The following SLC44A3 variants were observed in gnomAD, a reference collection of about 807,000 sequenced individuals.
SLC44A3 encodes the protein solute carrier family 44 member 3, also known as choline transporter-like protein 3.
A neutral mutation model predicts 75.4 loss-of-function variants in SLC44A3; 74 were observed. The ratio of observed to expected loss-of-function variants is 0.98; its 90% CI spans 0.81 to 1.19. The LOEUF is 1.19. Among genes scored for constraint, SLC44A3 ranks in the 50% most tolerant of loss-of-function variants. SLC44A3 has a pLI of 0.00. For missense variants in SLC44A3, 700 were observed against 778.6 expected (o/e 0.90, Z 1.20); for synonymous variants, 310 against 296.9 (o/e 1.04, Z -0.45).
At position 94,826,799 on chromosome 1, in the gene SLC44A3, T is replaced by C. The variant is rs187736208; in HGVS notation, c.279-708T>C. Among the ~76,000 whole-genome samples the C allele has an allele frequency of 3.1e-3, 470 of 152,224 alleles. 3 individuals are homozygous for C. The highest frequency in any genetic ancestry group is 0.011 in the African/African-American group (439 of 41,546). ...ATCCCCAACAGGAGGGAAAAAAACC[T>C]TCTGGGACCCCTTCTCAAGGTCTCT... On this transcript the variant is annotated intron_variant, in intron 3 of 14. Transcript: ENST00000271227.
chr1:94,836,342 G>A (rs1354618070), intron 5 of SLC44A3, among the ~76,000 whole-genome samples: 1 of 152,134 alleles, frequency 6.6e-6, no homozygotes, highest in African/African-American at 2.4e-5. Context: ...TACATTTCAG[G>A]AAGAAGCTAA....
chr1:94,880,413 A>C (rs1175123402), intron 12 of SLC44A3, among the ~76,000 whole-genome samples: 1 of 152,220 alleles, frequency 6.6e-6, no homozygotes, highest in East Asian at 1.9e-4. Context: ...CCCCAAGGAC[A>C]TTATGCTGAA....
intron 13 of SLC44A3, 110 bp downstream of exon 13, chr1:94,891,377 C>A: frequency 8.8e-7 from 1 of 1,138,710 alleles, no homozygotes; most frequent in Non-Finnish European, 1.2e-6. Flanking sequence ...ATAGTGGGTG[C>A]TGTGCTTCAT....
chr1:94,857,276 A>G (rs1219618428), intron 9 of SLC44A3, 59 bp from the exon 10 acceptor site: 1 of 1,468,692 alleles, frequency 6.8e-7, no homozygotes, highest in Non-Finnish European at 9.1e-7. Flanking sequence ...GGCTTGTTGA[A>G]CCATGGTTCA....
rs368810297 is a variant in SLC44A3 at position 94,840,053 on chromosome 1, C to G, written c.760+16C>G. ...GGATTGTTGTGTAAGTATTTCTCTA[C>G]TTGACTGATTTCTTTTCGATTAAAT... is the stretch of plus-strand genomic sequence containing the variant. On this transcript the variant is annotated intron_variant, in intron 7 of 14. Transcript: ENST00000271227. The G allele has an allele frequency of 2.9e-4, 461 of 1,591,566 alleles. No homozygotes were observed. The Admixed American group carries it at 3.6e-3, about 12-fold the overall frequency.
intron 10 of SLC44A3, among the ~76,000 whole-genome samples, chr1:94,863,174 C>T (rs1160033469): frequency 6.6e-6 from 1 of 152,094 alleles, no homozygotes; most frequent in East Asian, 1.9e-4. Flanking sequence ...AGTTCCGTCT[C>T]CCATCACGTG....
chr1:94,837,094 A>T (rs1028452330), intron 5 of SLC44A3, among the ~76,000 whole-genome samples: 1 of 152,150 alleles, frequency 6.6e-6, no homozygotes, highest in Non-Finnish European at 1.5e-5. Context: ...CAAATCCCAT[A>T]CATGACCCCA....
At chr1:94,823,253 G>C (rs1660859945) in intron 2 of SLC44A3, among the ~76,000 whole-genome samples, 2 of 152,168 alleles carry the variant, frequency 1.3e-5, no homozygotes, top group Admixed American at 6.5e-5. Flanking sequence ...AACTCGAAAG[G>C]ACGAGACAAG....
chr1:94,829,012 A>C (rs1221026939), intron 5 of SLC44A3, among the ~76,000 whole-genome samples: 1 of 152,188 alleles, frequency 6.6e-6, no homozygotes. Flanking sequence ...AGACTGAGCC[A>C]GGCGGATCAC....
At chr1:94,883,228 C>T (rs996962414) in intron 12 of SLC44A3, among the ~76,000 whole-genome samples, 9 of 151,840 alleles carry the variant, frequency 5.9e-5, no homozygotes, top group East Asian at 3.9e-4. Context: ...AGGCCGGGTG[C>T]GGTGACTTAT....
At chr1:94,834,072 A>G (rs958388644) in intron 5 of SLC44A3, among the ~76,000 whole-genome samples, 1 of 152,252 alleles carries the variant, frequency 6.6e-6, no homozygotes, top group African/African-American at 2.4e-5. Context: ...CATTTTTTAA[A>G]AATTCCCTAA....
intron 12 of SLC44A3, among the ~76,000 whole-genome samples, chr1:94,885,329 G>A (rs1226998438): frequency 2.0e-5 from 3 of 151,588 alleles, no homozygotes; most frequent in East Asian, 3.9e-4. Context: ...ACGATGATCC[G>A]AGGGTGACTG....
intron 6 of SLC44A3, 51 bp from the exon 7 acceptor site, chr1:94,839,897 C>G: frequency 2.3e-6 from 3 of 1,329,184 alleles, no homozygotes; most frequent in Non-Finnish European, 2.2e-6. Context: ...ACCATCATCT[C>G]CCCTATCCTT....
intron 14 of SLC44A3, among the ~76,000 whole-genome samples, chr1:94,893,013 G>A (rs1270566162): frequency 6.6e-6 from 1 of 152,156 alleles, no homozygotes; most frequent in Non-Finnish European, 1.5e-5. Flanking sequence ...ATTAGCCCAG[G>A]CACACCAGTG....
chr1:94,886,767 G>A (rs1042349041), intron 12 of SLC44A3, among the ~76,000 whole-genome samples: 1 of 152,156 alleles, frequency 6.6e-6, no homozygotes, highest in African/African-American at 2.4e-5. Flanking sequence ...CAGGTGACCA[G>A]TCCATTAAAG....
chr1:94,879,188 G>C (rs1000639965), intron 12 of SLC44A3, among the ~76,000 whole-genome samples: 6 of 148,442 alleles, frequency 4.0e-5, no homozygotes, highest in Non-Finnish European at 8.9e-5. Flanking sequence ...AATACATAAG[G>C]AACTTCTACA....
chr1:94,836,525 C>T (rs552651165), intron 5 of SLC44A3, among the ~76,000 whole-genome samples: 1 of 152,212 alleles, frequency 6.6e-6, no homozygotes, highest in Non-Finnish European at 1.5e-5. Context: ...GCTTCTGTCT[C>T]ATCCAGTTCA....
chr1:94,832,939 C>G (rs1662308691), intron 5 of SLC44A3, among the ~76,000 whole-genome samples: 1 of 151,710 alleles, frequency 6.6e-6, no homozygotes, highest in Non-Finnish European at 1.5e-5. Context: ...TGCACTCCAG[C>G]CTTGGTGACA....
chr1:94,855,692 G>A (rs1665787365), intron 9 of SLC44A3, among the ~76,000 whole-genome samples: 1 of 152,158 alleles, frequency 6.6e-6, no homozygotes, highest in South Asian at 2.1e-4. Flanking sequence ...TAGAGCTTGG[G>A]AATTAAGATC....
Sources: allele counts gnomAD v4.1 joint callset (sites outside exome capture counted in the v4.1 genomes callset), GRCh38; gene constraint gnomAD v4.1.1; transcripts MANE v1.5; gene names NCBI Gene and HGNC (gene_info 2026-07-23, HGNC 2026-07-21).